The following RYR2 variants were observed in gnomAD, a reference collection of about 807,000 sequenced individuals.
RYR2 encodes the protein cardiac muscle ryanodine receptor-calcium release channel.
In RYR2, 227 loss-of-function variants were observed where a neutral mutation model predicts 601.1. The observed-to-expected ratio is 0.38, with a 90% CI of 0.34 to 0.42. The LOEUF (loss-of-function observed/expected upper bound fraction) is 0.42, where lower values mean the gene tolerates loss of function less well. Among genes scored for constraint, RYR2 ranks in the 10% least tolerant of loss-of-function variants. The probability of loss-of-function intolerance (pLI) is 1.00; values close to 1 mark genes in which losing one functional copy is unlikely to be tolerated. For synonymous variants in RYR2, 2,223 were observed against 2,175.1 expected (o/e 1.02, Z -0.61); for missense variants, 4,646 against 6,156.5 (o/e 0.75, Z 8.21).
At chr1:237,529,798 C>T (rs1667948699) in intron 24 of RYR2, among the ~76,000 whole-genome samples, 1 of 144,544 alleles carries the variant, frequency 6.9e-6, no homozygotes, top group African/African-American at 2.5e-5. Context: ...CACACACACA[C>T]CACGTATATC....
At chr1:237,726,980 G>T in intron 75 of RYR2, 107 bp from the exon 76 acceptor site, 1 of 630,860 alleles carries the variant, frequency 1.6e-6, no homozygotes, top group Non-Finnish European at 2.9e-6. Context: ...CTTAAGAGGG[G>T]CAACTGTTTA....
At chr1:237,706,203 T>G (rs905913606) in intron 67 of RYR2, among the ~76,000 whole-genome samples, 1 of 152,044 alleles carries the variant, frequency 6.6e-6, no homozygotes, top group Admixed American at 6.5e-5. Flanking sequence ...GAGCCAAGAC[T>G]GCGCCACTGC....
Position 237,660,825 on chromosome 1 carries a change from C to T in RYR2, c.8314C>T (p.Arg2772Cys), listed in dbSNP as rs754379518. Residue 2772 changes from arginine to cysteine, a missense_variant, in exon 56 of 105, where the codon CGC becomes TGC. Transcript: ENST00000366574. ...LLSEKEKEIY[R>C]WPIKESLKTM... ...TCTTCTCTAGGAAAAAGAAATTTATCGCTGGCCAATCAAAGAATCTTTAAA... is the reference window on the plus strand; with the variant it reads ...TCTTCTCTAGGAAAAAGAAATTTATTGCTGGCCAATCAAAGAATCTTTAAA... 9.1e-6 allele frequency: 14 copies of T among 1,542,762 alleles called. No individual in the cohort carries two copies. The highest frequency in any genetic ancestry group is 1.7e-4 in the Middle Eastern group (1 of 5,936).
chr1:237,190,149 A>G (rs578146722), intron 1 of RYR2, among the ~76,000 whole-genome samples: 14 of 152,082 alleles, frequency 9.2e-5, no homozygotes, highest in Non-Finnish European at 1.9e-4. Flanking sequence ...TTGGCCTCCC[A>G]AAGTGCTGGG....
At chr1:237,497,594 G>A (rs10495398) in intron 20 of RYR2, among the ~76,000 whole-genome samples, 9,976 of 152,192 alleles carry the variant, frequency 0.066, 737 homozygotes, top group African/African-American at 0.17. Flanking sequence ...TATGGAAGAT[G>A]CAGAAAGTTA....
At chr1:237,712,430 C>T (rs1481164946) in intron 71 of RYR2, among the ~76,000 whole-genome samples, 1 of 151,944 alleles carries the variant, frequency 6.6e-6, no homozygotes, top group Non-Finnish European at 1.5e-5. Context: ...ACCAAGGAAG[C>T]CATTTCCTTC....
intron 1 of RYR2, among the ~76,000 whole-genome samples, chr1:237,142,782 T>C (rs1179236556): frequency 6.6e-6 from 1 of 152,216 alleles, no homozygotes; most frequent in Non-Finnish European, 1.5e-5. Flanking sequence ...ATTTTATTTT[T>C]GCCTGCCCTT....
intron 2 of RYR2, among the ~76,000 whole-genome samples, 174 bp from the exon 3 acceptor site, chr1:237,330,704 T>A (rs1329733896): frequency 1.3e-5 from 2 of 152,186 alleles, no homozygotes; most frequent in African/African-American, 2.4e-5. Flanking sequence ...TCTGGTTTTT[T>A]AAAATGTATT....
chr1:237,723,285 T>C (rs1409969474), intron 74 of RYR2, 23 bp downstream of exon 74: 2 of 1,596,442 alleles, frequency 1.3e-6, no homozygotes, highest in African/African-American at 2.7e-5. Context: ...GTCAATTCAA[T>C]CATATTTGCC....
At chr1:237,545,508 C>T (rs1669703093) in intron 25 of RYR2, among the ~76,000 whole-genome samples, 1 of 152,112 alleles carries the variant, frequency 6.6e-6, no homozygotes, top group African/African-American at 2.4e-5. Context: ...TCTGTGGCTG[C>T]TAGATGGGAT....
intron 52 of RYR2, among the ~76,000 whole-genome samples, chr1:237,655,536 T>C (rs577861319): frequency 1.3e-5 from 2 of 152,322 alleles, no homozygotes; most frequent in African/African-American, 4.8e-5. Context: ...TTAACAATAT[T>C]TTACACATTG....
intron 2 of RYR2, among the ~76,000 whole-genome samples, chr1:237,298,762 G>A (rs1693061446): frequency 1.3e-5 from 2 of 152,086 alleles, no homozygotes; most frequent in Non-Finnish European, 2.9e-5. Context: ...CACTTTGGGG[G>A]GCTGATGCTG....
At chr1:237,826,576 T>C (rs1259035718) in intron 101 of RYR2, among the ~76,000 whole-genome samples, 3 of 152,096 alleles carry the variant, frequency 2.0e-5, no homozygotes, top group Non-Finnish European at 4.4e-5. Flanking sequence ...AAAACCACCA[T>C]AGCACGTGTA....
chr1:237,802,147 G>A (rs553450005), intron 98 of RYR2: 99 of 340,202 alleles, frequency 2.9e-4, no homozygotes, highest in Middle Eastern at 7.7e-4. Context: ...AAACTGAGAT[G>A]CAGATTTGTG....
chr1:237,522,563 C>T (rs2147871108), intron 24 of RYR2, among the ~76,000 whole-genome samples: 1 of 152,278 alleles, frequency 6.6e-6, no homozygotes, highest in South Asian at 2.1e-4. Context: ...TACATGGTTG[C>T]CTCTGTACTC....
intron 27 of RYR2, among the ~76,000 whole-genome samples, chr1:237,565,161 T>TTC (rs1671872842): frequency 3.9e-5 from 1 of 25,546 alleles, no homozygotes; most frequent in Non-Finnish European, 8.2e-5. Context: ...TTCTTTCTCT[T>TTC]TCTTTCTTTC....
At chr1:237,262,798 G>A (rs1688670930) in intron 1 of RYR2, among the ~76,000 whole-genome samples, 2 of 151,978 alleles carry the variant, frequency 1.3e-5, no homozygotes, top group African/African-American at 4.8e-5. Context: ...AAAATTCTCA[G>A]GACATAACTT....
chr1:237,370,684 G>A (rs1285213693), intron 6 of RYR2, among the ~76,000 whole-genome samples: 10 of 141,872 alleles, frequency 7.0e-5, no homozygotes, highest in African/African-American at 2.4e-4. Context: ...TTTTTGAGAC[G>A]GAGTCTGGTT....
At chr1:237,363,201 T>C (rs1444980762) in intron 4 of RYR2, among the ~76,000 whole-genome samples, 1 of 152,278 alleles carries the variant, frequency 6.6e-6, no homozygotes, top group South Asian at 2.1e-4. Context: ...CCTAATTCTT[T>C]AGTGATATCT....
Sources: allele counts gnomAD v4.1 joint callset (sites outside exome capture counted in the v4.1 genomes callset), GRCh38; gene constraint gnomAD v4.1.1; transcripts MANE v1.5; gene names NCBI Gene and HGNC (gene_info 2026-07-23, HGNC 2026-07-21).